The following ANKS1A variants were observed in gnomAD, a reference collection of about 807,000 sequenced individuals.
ANKS1A encodes ankyrin repeat and SAM domain-containing protein 1A.
ANKS1A carries 55 observed loss-of-function variants against 120.3 expected under a neutral mutation model. That is an observed-to-expected ratio of 0.46 (90% CI 0.37 to 0.57). The LOEUF (loss-of-function observed/expected upper bound fraction) is 0.57, where lower values mean the gene tolerates loss of function less well. ANKS1A is among the 20% of genes least tolerant of loss of function. The pLI is 0.00. For missense variants in ANKS1A, 1,123 were observed against 1,480.3 expected (o/e 0.76, Z 3.96); for synonymous variants, 590 against 604.7 (o/e 0.98, Z 0.36).
At position 35,090,619 on chromosome 6, in the gene ANKS1A, ATGAC is replaced by A; in HGVS notation, c.*2013_*2016del. ...ATTTCTGAATATTCAAGAAAGGAAA[ATGAC>A]TGGGCCTTTCTTTCTTTTCTTCTCC... On this transcript the variant is annotated 3_prime_UTR_variant, in exon 24 of 24. Coordinates refer to ENST00000360359, the MANE Select transcript of ANKS1A (RefSeq NM_015245.3). The A allele has an allele frequency of 2.0e-6, 2 of 991,658 alleles. No individual in the cohort carries two copies. Among genetic ancestry groups the A allele is most frequent in the East Asian group, 1.1e-4 (1 of 8,972 alleles). 61.4% of individuals were successfully genotyped at this position (991,658 alleles called of 1,614,324 possible).
At chr6:34,991,597 TAC>T (rs1772528167) in intron 9 of ANKS1A, among the ~76,000 whole-genome samples, 2 of 147,836 alleles carry the variant, frequency 1.4e-5, no homozygotes, top group Admixed American at 6.8e-5. Context: ...CATATATATA[TAC>T]ACACATATAT....
intron 1 of ANKS1A, among the ~76,000 whole-genome samples, chr6:34,903,889 A>C (rs1767501927): frequency 6.6e-6 from 1 of 152,152 alleles, no homozygotes; most frequent in African/African-American, 2.4e-5. Flanking sequence ...CAATGGCACG[A>C]TATTAGCTCA....
At chr6:35,073,681 C>T (rs1777190892) in intron 13 of ANKS1A, among the ~76,000 whole-genome samples, 2 of 152,240 alleles carry the variant, frequency 1.3e-5, no homozygotes, top group South Asian at 4.1e-4. Flanking sequence ...GTCCTTTATT[C>T]ACTTCCTAAT....
chr6:34,931,402 C>T (rs1768974624), intron 1 of ANKS1A, among the ~76,000 whole-genome samples: 1 of 152,196 alleles, frequency 6.6e-6, no homozygotes, highest in South Asian at 2.1e-4. Context: ...CCCACCTTGA[C>T]CTCCCAAAGT....
At chr6:35,031,930 CT>C (rs1457282414) in intron 11 of ANKS1A, among the ~76,000 whole-genome samples, 5 of 152,144 alleles carry the variant, frequency 3.3e-5, no homozygotes, top group African/African-American at 1.2e-4. Flanking sequence ...ATTCTCCCTA[CT>C]TGGGTGGCTT....
chr6:34,970,034 G>C lies in ANKS1A; in HGVS notation c.303G>C (p.Arg101Ser). 6.2e-7 allele frequency: 1 copy of C among 1,613,890 alleles called. No individual in the cohort carries two copies. Among genetic ancestry groups the C allele is most frequent in the Non-Finnish European group, 8.5e-7 (1 of 1,179,904 alleles). Residue 101 changes from arginine (R) to serine (S), a missense_variant, in exon 3 of 24, where the codon AGG becomes AGC. Arg to Ser is a moderately radical substitution (Grantham distance 110). Coordinates refer to ENST00000360359, the MANE Select transcript of ANKS1A (RefSeq NM_015245.3). ...GHKDVVEVLLRNDALTNVADS... is the reference protein window; with the variant it reads ...GHKDVVEVLLSNDALTNVADS... ...GGGATGTGGTCGAGGTTCTTCTGAG[G>C]AACGATGCGCTGACCAACGTGGCTG...
intron 13 of ANKS1A, among the ~76,000 whole-genome samples, chr6:35,076,211 C>T (rs1246832324): frequency 3.9e-5 from 6 of 152,146 alleles, no homozygotes; most frequent in Non-Finnish European, 1.5e-5. Context: ...ATCACGAGGT[C>T]AGGAGATCGA....
In ANKS1A at chr6:35,017,504, G is replaced by C; in HGVS notation, c.1455G>C (p.Gln485His). The change falls in exon 11 of 24, where the codon CAG (glutamine) becomes CAC (histidine). Residue 485 changes from glutamine (Q) to histidine (H), a missense_variant. Physicochemically the swap from Gln to His is conservative, Grantham distance 24. Around this residue, in one of 3 missense-constraint regions of ANKS1A, gnomAD observed 904 missense variants for 1,130.4 expected, o/e 0.80. Coordinates refer to ENST00000360359, the MANE Select transcript of ANKS1A (RefSeq NM_015245.3). ...DHRRSSSSRS[Q>H]DSAEGQDGQV... is the part of the protein sequence containing the mutation. ...GGCGGAGCAGCAGCAGCCGGAGCCAGGACTCTGCGGAGGGGCAGGACGGGC... is the reference window on the plus strand; with the variant it reads ...GGCGGAGCAGCAGCAGCCGGAGCCACGACTCTGCGGAGGGGCAGGACGGGC... The C allele has an allele frequency of 6.2e-7, 1 of 1,613,258 alleles. No individual in the cohort carries two copies. Among genetic ancestry groups the C allele is most frequent in the South Asian group, 1.1e-5 (1 of 90,982 alleles).
chr6:34,910,355 A>G (rs1338958770), intron 1 of ANKS1A, among the ~76,000 whole-genome samples: 1 of 152,134 alleles, frequency 6.6e-6, no homozygotes. Flanking sequence ...GCTCGAGCTC[A>G]GGAGTTTAAG....
chr6:34,984,933 C>T (rs1772105236), intron 7 of ANKS1A, 149 bp from the exon 8 acceptor site: 8 of 672,306 alleles, frequency 1.2e-5, no homozygotes, highest in Non-Finnish European at 2.0e-5. Flanking sequence ...TATACGTATT[C>T]TTGTCCATGG....
intron 8 of ANKS1A, among the ~76,000 whole-genome samples, chr6:34,987,272 A>G (rs1015689779): frequency 6.6e-6 from 1 of 152,236 alleles, no homozygotes; most frequent in African/African-American, 2.4e-5. Context: ...AAAAAGACAC[A>G]GGTATTTCTC....
chr6:35,010,820 GT>G (rs1773722452), intron 10 of ANKS1A, among the ~76,000 whole-genome samples: 1 of 152,176 alleles, frequency 6.6e-6, no homozygotes, highest in South Asian at 2.1e-4. Flanking sequence ...CATTAAAAAA[GT>G]TTGATCTGTC....
chr6:34,989,172 T>C, intron 8 of ANKS1A, 52 bp from the exon 9 acceptor site: 2 of 1,582,162 alleles, frequency 1.3e-6, no homozygotes, highest in Non-Finnish European at 1.7e-6. Flanking sequence ...AACCAAAAAA[T>C]TAGATACTTA....
At chr6:35,004,058 G>T (rs1045112583) in intron 10 of ANKS1A, among the ~76,000 whole-genome samples, 1 of 152,118 alleles carries the variant, frequency 6.6e-6, no homozygotes, top group African/African-American at 2.4e-5. Flanking sequence ...AAAACTTCCC[G>T]GTCTGTTCTG....
intron 11 of ANKS1A, among the ~76,000 whole-genome samples, chr6:35,027,114 G>A (rs933986970): frequency 2.0e-5 from 3 of 152,148 alleles, no homozygotes; most frequent in African/African-American, 7.2e-5. Context: ...CGAAGCAAAG[G>A]GAAGAGAATT....
In ANKS1A at chr6:35,084,457, G is replaced by A. The variant is rs879357078; in HGVS notation, c.3132+199G>A. On this transcript the variant is annotated intron_variant, in intron 21 of 23. Coordinates refer to ENST00000360359, the MANE Select transcript of ANKS1A (RefSeq NM_015245.3). The surrounding 1 kb of genome is among the most constrained non-coding windows in gnomAD (Gnocchi z 4.8). ...GAGACTGACGCGCAGAGGGAACAGG[G>A]ACTGGCCCAGGGCACTAGGGACAGG... Among the ~76,000 whole-genome samples, 39 of 151,688 alleles carry A rather than the reference G, an allele frequency of 2.6e-4. No homozygotes were observed. The highest frequency in any genetic ancestry group is 5.1e-4 in the Non-Finnish European group (35 of 67,966).
At chr6:34,890,637 G>A (rs1374674930) in intron 1 of ANKS1A, among the ~76,000 whole-genome samples, 1 of 152,184 alleles carries the variant, frequency 6.6e-6, no homozygotes, top group Non-Finnish European at 1.5e-5. Context: ...GCTTCAATCT[G>A]GAGCTGTAAG....
intron 13 of ANKS1A, among the ~76,000 whole-genome samples, chr6:35,065,049 T>C (rs1776698868): frequency 6.6e-6 from 1 of 152,166 alleles, no homozygotes; most frequent in African/African-American, 2.4e-5. Flanking sequence ...AGGAAGAATG[T>C]AATTCCTCGC....
chr6:35,025,706 C>A (rs868489732), intron 11 of ANKS1A, among the ~76,000 whole-genome samples: 10 of 150,922 alleles, frequency 6.6e-5, no homozygotes, highest in African/African-American at 2.4e-4. Context: ...CCTTTTCATT[C>A]TTATTTTTAC....
Sources: gnomAD v4.1 joint callset for allele counts (sites outside exome capture counted in the v4.1 genomes callset) on GRCh38, gnomAD v4.1.1 for gene constraint, gnomAD v4.1.1 regional missense constraint, Gnocchi (gnomAD v3.1) non-coding constraint, MANE v1.5 for transcripts, NCBI Gene and HGNC (gene_info 2026-07-23, HGNC 2026-07-21) for gene names.